Variants in EEF1E1 observed in about 807,000 individuals in gnomAD.
The protein encoded by EEF1E1 is eukaryotic translation elongation factor 1 epsilon-1.
A neutral mutation model predicts 19.9 loss-of-function variants in EEF1E1; 19 were observed. The ratio of observed to expected loss-of-function variants is 0.95; its 90% CI spans 0.66 to 1.40. The LOEUF (loss-of-function observed/expected upper bound fraction) is 1.40. Ranked by LOEUF, EEF1E1 falls within the 40% of genes most tolerant of loss-of-function variation. EEF1E1 has a pLI of 0.00. For synonymous variants in EEF1E1, 81 were observed against 80.0 expected (o/e 1.01, Z -0.07); for missense variants, 198 against 202.2 (o/e 0.98, Z 0.13).
At chr6:8,088,692 C>T (rs1157405715) in intron 3 of EEF1E1, among the ~76,000 whole-genome samples, 1 of 152,146 alleles carries the variant, frequency 6.6e-6, no homozygotes, top group Non-Finnish European at 1.5e-5. Context: ...ATGTCTTTAT[C>T]AGCAGCGTGA....
chr6:8,102,085 CG>C, intron 1 of EEF1E1: 1 of 1,176,760 alleles, frequency 8.5e-7, no homozygotes. Flanking sequence ...GGTGCGATTA[CG>C]GGAAAAAAAA....
intron 3 of EEF1E1, among the ~76,000 whole-genome samples, chr6:8,084,739 T>C (rs146407698): frequency 2.0e-4 from 30 of 152,294 alleles, no homozygotes; most frequent in Admixed American, 6.5e-4. Context: ...GCCAACAAGT[T>C]TGTTATTGTG....
chr6:8,073,516 A>C, intron 3 of EEF1E1: 1 of 1,551,592 alleles, frequency 6.4e-7, no homozygotes. Context: ...CTTATCTGCA[A>C]AAGGGGATAA....
intron 3 of EEF1E1, among the ~76,000 whole-genome samples, chr6:8,086,692 A>C (rs577031040): frequency 6.6e-6 from 1 of 152,372 alleles, no homozygotes; most frequent in Admixed American, 6.5e-5. Flanking sequence ...CTGTAAAAGA[A>C]GGCCAATAAC....
intron 3 of EEF1E1, among the ~76,000 whole-genome samples, chr6:8,083,872 C>T (rs1380833219): frequency 6.6e-6 from 1 of 152,178 alleles, no homozygotes; most frequent in Non-Finnish European, 1.5e-5. Context: ...CCTACCTTAA[C>T]ACCTAGAAAT....
intron 1 of EEF1E1, chr6:8,101,732 G>A: frequency 1.6e-6 from 2 of 1,287,778 alleles, no homozygotes; most frequent in Non-Finnish European, 2.0e-6. Flanking sequence ...AAACACAAAC[G>A]TTCTAACAGT....
intron 1 of EEF1E1, among the ~76,000 whole-genome samples, chr6:8,100,705 C>G (rs191831568): frequency 6.6e-6 from 1 of 152,090 alleles, no homozygotes; most frequent in East Asian, 1.9e-4. Context: ...CTCTTACTAA[C>G]TTGCCTGTTG....
At chr6:8,101,225 CA>C (rs778878465) in intron 1 of EEF1E1, among the ~76,000 whole-genome samples, 1 of 3,116 alleles carries the variant, frequency 3.2e-4, no homozygotes, top group Non-Finnish European at 5.1e-4. Flanking sequence ...GACTTTGTCT[CA>C]AAAAAAAAAA....
At chr6:8,091,449 CAT>C (rs1194328756) in intron 2 of EEF1E1, among the ~76,000 whole-genome samples, 13 of 152,300 alleles carry the variant, frequency 8.5e-5, no homozygotes, top group African/African-American at 2.2e-4. Context: ...CCTTAACAAA[CAT>C]ATGATTTACA....
intron 1 of EEF1E1, chr6:8,102,066 T>G: frequency 8.5e-7 from 1 of 1,179,838 alleles, no homozygotes; most frequent in Non-Finnish European, 1.1e-6. Context: ...GCGCAATAAC[T>G]GAATGAAAGG....
At chr6:8,092,869 C>CTTTTTTTTTTTT (rs942764776) in intron 2 of EEF1E1, among the ~76,000 whole-genome samples, 2 of 93,764 alleles carry the variant, frequency 2.1e-5, no homozygotes, top group Non-Finnish European at 3.9e-5. Flanking sequence ...ATAAAGACTG[C>CTTTTTTTTTTTT]TTTTTTTTTT....
At chr6:8,093,324 C>CTTTTT (rs57000456) in intron 2 of EEF1E1, among the ~76,000 whole-genome samples, 65 of 135,036 alleles carry the variant, frequency 4.8e-4, no homozygotes, top group South Asian at 7.0e-4. Context: ...CATTCGCTTC[C>CTTTTT]TTTTTTTTTT....
At chr6:8,094,081 G>A (rs1041638044) in intron 2 of EEF1E1, among the ~76,000 whole-genome samples, 8 of 152,074 alleles carry the variant, frequency 5.3e-5, no homozygotes, top group Non-Finnish European at 8.8e-5. Context: ...TTTCAGGCGT[G>A]AGCCACCGCA....
downstream of EEF1E1, among the ~76,000 whole-genome samples, chr6:8,076,967 G>A (rs1382559023): frequency 3.0e-5 from 4 of 131,868 alleles, no homozygotes; most frequent in African/African-American, 1.1e-4. Context: ...TTTTGAGATG[G>A]AGTCTCGCGC....
chr6:8,084,349 G>A (rs1460814841), intron 3 of EEF1E1, among the ~76,000 whole-genome samples: 2 of 152,218 alleles, frequency 1.3e-5, no homozygotes, highest in African/African-American at 2.4e-5. Flanking sequence ...CTAGTGCTAT[G>A]AATATTTTGC....
chr6:8,101,764 C>T (rs1180936740), intron 1 of EEF1E1: 1 of 1,289,306 alleles, frequency 7.8e-7, no homozygotes, highest in Non-Finnish European at 1.0e-6. Flanking sequence ...CAATCTCATA[C>T]CTTGTGATGT....
At chr6:8,077,059 T>C (rs977482963), downstream of EEF1E1, among the ~76,000 whole-genome samples, 3 of 151,356 alleles carry the variant, frequency 2.0e-5, no homozygotes, top group Non-Finnish European at 4.4e-5. Flanking sequence ...TTCTCCTGCC[T>C]CAGCTTCCCG....
rs942764776 is a variant in EEF1E1, at chr6:8,092,869, C to CTTTTTTTT, written c.289-2596_289-2589dup. On this transcript the variant is annotated intron_variant, in intron 2 of 3. Transcript: ENST00000379715. The stretch of plus-strand genomic sequence containing the variant: ...TTTTGTGTTTTAGTGATAAAGACTG[C>CTTTTTTTT]TTTTTTTTTTTTTTTTTTTTTTTGA... Among the ~76,000 whole-genome samples the CTTTTTTTT allele has an allele frequency of 6.8e-4, 64 of 93,736 alleles. 1 individual carries two copies. Among genetic ancestry groups the CTTTTTTTT allele is most frequent in the Middle Eastern group, 7.8e-3 (1 of 128 alleles). The allele number at this position is 93,736 out of a possible 152,430, so 61.5% of individuals were successfully genotyped here. A position where few individuals can be genotyped will look rare whatever the true frequency, so the allele number is the denominator to read the frequency against.
At chr6:8,079,165 C>A (rs1757666522), downstream of EEF1E1, among the ~76,000 whole-genome samples, 1 of 152,106 alleles carries the variant, frequency 6.6e-6, no homozygotes, top group African/African-American at 2.4e-5. Context: ...ATTAAAAATT[C>A]AAAATTAGTG....
Sources: allele counts gnomAD v4.1 joint callset (sites outside exome capture counted in the v4.1 genomes callset), GRCh38; gene constraint gnomAD v4.1.1; transcripts MANE v1.5; gene names NCBI Gene and HGNC (gene_info 2026-07-23, HGNC 2026-07-21).